LPP: variants seen among roughly 807,000 people sequenced by gnomAD.
LPP encodes the protein lipoma-preferred partner.
In LPP, 38 loss-of-function variants were observed where a neutral mutation model predicts 60.4. The ratio of observed to expected loss-of-function variants is 0.63; its 90% CI spans 0.49 to 0.83. The LOEUF is 0.83. Ranked by LOEUF, LPP falls within the 40% of genes least tolerant of loss-of-function variation. LPP has a pLI of 0.00. For missense variants in LPP, 902 were observed against 783.6 expected (o/e 1.15, Z -1.80); for synonymous variants, 328 against 290.8 (o/e 1.13, Z -1.30).
At position 188,708,252 on chromosome 3, in the gene LPP, C is replaced by A; in HGVS notation, c.1114-15C>A. ...TAGGTGGCAATTAAAGGACTGTGTG[C>A]TTTCTGCCTTTCAGGGTGGCCATTC... On this transcript the variant is annotated splice_polypyrimidine_tract_variant and intron_variant, in intron 7 of 11. Transcript: ENST00000617246. The A allele has an allele frequency of 3.7e-6, 6 of 1,613,706 alleles. No individual in the cohort carries two copies. The highest frequency in any genetic ancestry group is 2.5e-6 in the Non-Finnish European group (3 of 1,179,810).
At position 188,875,771 on chromosome 3, in the gene LPP, C is replaced by T. The variant is rs1578108118; in HGVS notation, c.*1292C>T. The T allele has an allele frequency of 1.5e-5, 3 of 198,094 alleles. No individual in the cohort carries two copies. In the East Asian group the frequency reaches 2.4e-4, roughly 16 times the overall value. 12.3% of individuals were successfully genotyped at this position (198,094 alleles called of 1,614,324 possible). On this transcript the variant is annotated 3_prime_UTR_variant, in exon 12 of 12. Transcript: ENST00000617246. ...TCTCTGCCTAGAATCTTTATTCAAA[C>T]TTTTATTAGCCAGTGAAACACTTGC...
chr3:188,349,905 C>T (rs1765398354), intron 3 of LPP, among the ~76,000 whole-genome samples: 1 of 152,230 alleles, frequency 6.6e-6, no homozygotes, highest in African/African-American at 2.4e-5. Context: ...GCATGCTGTT[C>T]ATCCAATTTG....
At chr3:188,862,457 T>G (rs1240388259) in intron 9 of LPP, among the ~76,000 whole-genome samples, 1 of 152,098 alleles carries the variant, frequency 6.6e-6, no homozygotes, top group East Asian at 1.9e-4. Flanking sequence ...CATTTGAGTT[T>G]CACTTTGAAG....
At chr3:188,551,221 C>T (rs1462712277) in intron 6 of LPP, among the ~76,000 whole-genome samples, 1 of 152,086 alleles carries the variant, frequency 6.6e-6, no homozygotes, top group African/African-American at 2.4e-5. Flanking sequence ...TCTTACATGG[C>T]AGTGGTGAGA....
intron 1 of LPP, among the ~76,000 whole-genome samples, chr3:188,189,112 G>T (rs947599717): frequency 6.6e-6 from 1 of 152,068 alleles, no homozygotes; most frequent in Non-Finnish European, 1.5e-5. Flanking sequence ...TTGAGACAGG[G>T]TCCCACTCTG....
At chr3:188,299,738 T>A (rs1165693178) in intron 2 of LPP, among the ~76,000 whole-genome samples, 2 of 152,182 alleles carry the variant, frequency 1.3e-5, no homozygotes, top group East Asian at 1.9e-4. Flanking sequence ...TGGAACCCTT[T>A]TAGAAAGCAA....
At chr3:188,742,395 G>C (rs1229788562) in intron 8 of LPP, among the ~76,000 whole-genome samples, 1 of 151,894 alleles carries the variant, frequency 6.6e-6, no homozygotes, top group Non-Finnish European at 1.5e-5. Flanking sequence ...CAACCCAAAT[G>C]TTCATTAACA....
At chr3:188,774,039 A>T (rs1736936748) in intron 9 of LPP, among the ~76,000 whole-genome samples, 1 of 152,184 alleles carries the variant, frequency 6.6e-6, no homozygotes, top group African/African-American at 2.4e-5. Flanking sequence ...AAGCTTAGAA[A>T]ACCAGGGGGT....
At chr3:188,363,045 T>G (rs1769992624) in intron 3 of LPP, among the ~76,000 whole-genome samples, 1 of 152,062 alleles carries the variant, frequency 6.6e-6, no homozygotes, top group African/African-American at 2.4e-5. Flanking sequence ...TATTTTTTTT[T>G]TTTACAACTG....
intron 8 of LPP, among the ~76,000 whole-genome samples, chr3:188,713,387 A>G (rs1712401896): frequency 1.5e-5 from 2 of 133,704 alleles, no homozygotes; most frequent in Admixed American, 1.5e-4. Flanking sequence ...TGAATTCTGG[A>G]TGAAAAAAAA....
Position 188,881,317 on chromosome 3 carries a change from G to A in LPP, c.*6838G>A. On this transcript the variant is annotated 3_prime_UTR_variant, in exon 12 of 12. Transcript: ENST00000617246. ...AAACAAGTCTTAAGTCCAAATCTTT[G>A]CCTCTTCATGTCTGATATCACCAAC... 1.0e-5 allele frequency: 2 copies of A among 193,144 alleles called. No individual in the cohort carries two copies. Among genetic ancestry groups the A allele is most frequent in the East Asian group, 1.6e-4 (2 of 12,322 alleles). The allele number at this position is 193,144 out of a possible 1,614,324, so 12.0% of individuals were successfully genotyped here.
chr3:188,182,790 A>G lies in LPP; in HGVS notation c.-190+28538A>G, dbSNP rs1725484688. ...ATATATGTGCATATATAATATATGT[A>G]CATATACAATATATGCACATATATA... On this transcript the variant is annotated intron_variant, in intron 1 of 11. Transcript: ENST00000617246. The surrounding 1 kb of genome is among the most constrained non-coding windows in gnomAD (Gnocchi z 4.4). 6.7e-6 allele frequency among the ~76,000 whole-genome samples: 1 copy of G among 149,970 alleles called. No individual in the cohort carries two copies. Among genetic ancestry groups the G allele is most frequent in the Non-Finnish European group, 1.5e-5 (1 of 67,638 alleles).
intron 9 of LPP, among the ~76,000 whole-genome samples, chr3:188,794,311 T>A (rs1744692439): frequency 6.6e-6 from 1 of 152,254 alleles, no homozygotes; most frequent in Non-Finnish European, 1.5e-5. Context: ...CATTGTTTAA[T>A]AATAAATATT....
chr3:188,511,839 C>G (rs1369913158), intron 5 of LPP, among the ~76,000 whole-genome samples: 1 of 152,164 alleles, frequency 6.6e-6, no homozygotes, highest in African/African-American at 2.4e-5. Flanking sequence ...GATATTTTCC[C>G]TCTTGTTTTC....
Position 188,389,825 on chromosome 3 carries a change from G to GA in LPP, c.-9-16280dup, listed in dbSNP as rs553787313. On this transcript the variant is annotated intron_variant, in intron 3 of 11. Coordinates refer to ENST00000617246, the MANE Select transcript of LPP (RefSeq NM_001375462.1). ...CTCCGTCTCAAAAAAAAAAAGAAAA[G>GA]AAAAAAAGAAAGAAATCTGGGTGAG... is the stretch of plus-strand genomic sequence containing the variant. Among the ~76,000 whole-genome samples, 175 of 126,182 alleles carry GA rather than the reference G, an allele frequency of 1.4e-3. 3 individuals are homozygous for GA. In the South Asian group the frequency reaches 0.026, roughly 19 times the overall value. 82.8% of individuals were successfully genotyped at this position (126,182 alleles called of 152,430 possible).
intron 2 of LPP, among the ~76,000 whole-genome samples, chr3:188,241,638 A>G (rs1724877767): frequency 6.6e-6 from 1 of 151,842 alleles, no homozygotes; most frequent in Admixed American, 6.6e-5. Flanking sequence ...TTTTTCTTTT[A>G]CTGAAAAATA....
chr3:188,539,496 T>C (rs1824548353), intron 6 of LPP, among the ~76,000 whole-genome samples: 1 of 152,068 alleles, frequency 6.6e-6, no homozygotes, highest in Non-Finnish European at 1.5e-5. Context: ...CAGTCAGCAA[T>C]GTAAGGTCAA....
At chr3:188,467,334 T>G (rs1800735038) in intron 4 of LPP, among the ~76,000 whole-genome samples, 1 of 152,112 alleles carries the variant, frequency 6.6e-6, no homozygotes, top group African/African-American at 2.4e-5. Flanking sequence ...AAGAAATTCT[T>G]AGAAAATCAT....
In LPP at chr3:188,660,271, A is replaced by G. The variant is rs532130021; in HGVS notation, c.1114-47996A>G. 3.2e-4 allele frequency among the ~76,000 whole-genome samples: 49 copies of G among 152,332 alleles called. 2 individuals carry two copies. The South Asian group carries it at 9.5e-3, about 30-fold the overall frequency. ...TACCTACAATAATTGCAACAGCATG[A>G]TATTGTTCAATGTTGGCATATGCAA... is the stretch of plus-strand genomic sequence containing the variant. On this transcript the variant is annotated intron_variant, in intron 7 of 11. Transcript: ENST00000617246.
Sources: allele counts gnomAD v4.1 joint callset (sites outside exome capture counted in the v4.1 genomes callset), GRCh38; gene constraint gnomAD v4.1.1; non-coding constraint Gnocchi (gnomAD v3.1); transcripts MANE v1.5; gene names NCBI Gene and HGNC (gene_info 2026-07-23, HGNC 2026-07-21).